AHRR: variants seen among roughly 807,000 people sequenced by gnomAD.
AHRR encodes the protein aryl hydrocarbon receptor repressor, also known as ahR repressor.
Under a neutral mutation model 44.0 loss-of-function variants are expected in AHRR, and 28 were observed. That is an observed-to-expected ratio of 0.64 (90% CI 0.47 to 0.87). AHRR has a LOEUF of 0.87. Among genes scored for constraint, AHRR ranks in the 40% least tolerant of loss-of-function variants. The pLI is 0.00. For missense variants in AHRR, 990 were observed against 953.9 expected, an observed-to-expected ratio of 1.04 and a Z score of -0.50; for synonymous variants, 434 against 407.0, an observed-to-expected ratio of 1.07 and a Z score of -0.80.
chr5:394,248 C>A (rs1487599157), intron 4 of AHRR, among the ~76,000 whole-genome samples: 1 of 103,634 alleles, frequency 9.6e-6, no homozygotes, highest in Non-Finnish European at 1.9e-5. Context: ...GCTCCAGGGC[C>A]TCCCCTTTCC....
chr5:373,990 G>A (rs1247842580), intron 3 of AHRR, among the ~76,000 whole-genome samples: 1 of 151,836 alleles, frequency 6.6e-6, no homozygotes, highest in African/African-American at 2.4e-5. Flanking sequence ...CGCCCCTGCC[G>A]CCGCACCTAC....
intron 1 of AHRR, among the ~76,000 whole-genome samples, chr5:343,083 G>A (rs1330254277): frequency 5.9e-5 from 9 of 152,178 alleles, no homozygotes; most frequent in South Asian, 2.1e-4. Context: ...GCCACAAACC[G>A]CACAGGGAGA....
chr5:415,439 TC>T lies in AHRR; in HGVS notation c.441+2007del, dbSNP rs1735712748. 1.1e-4 allele frequency among the ~76,000 whole-genome samples: 13 copies of T among 122,840 alleles called. 4 individuals are homozygous for T. The highest frequency in any genetic ancestry group is 4.9e-4 in the African/African-American group (12 of 24,670). 80.6% of individuals were successfully genotyped at this position (122,840 alleles called of 152,430 possible). On this transcript the variant is annotated intron_variant, in intron 5 of 10. Coordinates refer to ENST00000684583, the MANE Select transcript of AHRR (RefSeq NM_001377236.1). ...AGGCCTAGGGGCCGAATCTGCCTGG[TC>T]GGGCGGGAGGCCTAGGGGCCGAGTC...
At chr5:378,740 G>A (rs567434850) in intron 4 of AHRR, among the ~76,000 whole-genome samples, 16 of 152,146 alleles carry the variant, frequency 1.1e-4, no homozygotes, top group Admixed American at 1.0e-3. Context: ...TGCACAATAC[G>A]AGTCAGAGCT....
chr5:374,173 C>G (rs1021268713), intron 3 of AHRR, among the ~76,000 whole-genome samples: 1 of 152,040 alleles, frequency 6.6e-6, no homozygotes, highest in African/African-American at 2.4e-5. Flanking sequence ...CCGCGCTGCC[C>G]CAGCCCGCGG....
chr5:422,091 C>T (rs1169394478), intron 5 of AHRR, among the ~76,000 whole-genome samples: 1 of 152,080 alleles, frequency 6.6e-6, no homozygotes, highest in Non-Finnish European at 1.5e-5. Flanking sequence ...GGCCGGCCTT[C>T]CTCAGGCGCC....
chr5:434,996 A>C lies in AHRR; in HGVS notation c.*162A>C. The stretch of plus-strand genomic sequence containing the variant: ...AGTGTGTGTGTGCAGCATACGCAGG[A>C]GCCTATCCTGAATTTTGTAAAATAT... On this transcript the variant is annotated 3_prime_UTR_variant, in exon 11 of 11. Coordinates refer to ENST00000684583, the MANE Select transcript of AHRR (RefSeq NM_001377236.1). The C allele has an allele frequency of 2.9e-6, 3 of 1,048,734 alleles. No homozygotes were observed. In the South Asian group the frequency reaches 5.3e-5, roughly 19 times the overall value. The allele number at this position is 1,048,734 out of a possible 1,614,324, so 65.0% of individuals were successfully genotyped here. A position where few individuals can be genotyped will look rare whatever the true frequency, so the allele number is the denominator to read the frequency against.
At position 344,423 on chromosome 5, in the gene AHRR, ATGTGTGAG is replaced by A. The variant is rs1560884211; in HGVS notation, c.62+460_62+467del. ...GGAGGGCTGCGGGGGTGTGTGCGGTATGTGTGAGGCTGTGGGGGGCTGTGTGTGGGGTG... is the reference window on the plus strand; with the variant it reads ...GGAGGGCTGCGGGGGTGTGTGCGGTAGCTGTGGGGGGCTGTGTGTGGGGTG... On this transcript the variant is annotated intron_variant, in intron 2 of 10. Coordinates refer to ENST00000684583, the MANE Select transcript of AHRR (RefSeq NM_001377236.1). Among the ~76,000 whole-genome samples the A allele has an allele frequency of 1.4e-3, 26 of 18,408 alleles. 1 individual carries two copies. The highest frequency in any genetic ancestry group is 2.4e-3 in the Non-Finnish European group (18 of 7,350). The allele number at this position is 18,408 out of a possible 152,430, so 12.1% of individuals were successfully genotyped here.
intron 5 of AHRR, among the ~76,000 whole-genome samples, chr5:414,323 GTTTTT>G (rs201731828): frequency 6.6e-6 from 1 of 151,800 alleles, no homozygotes; most frequent in Non-Finnish European, 1.5e-5. Flanking sequence ...CAACGGAGCT[GTTTTT>G]TTTGTCTGGG....
In AHRR at chr5:432,876, T is replaced by G. The variant is rs1252706130; in HGVS notation, c.1041T>G (p.Val347=). 2.5e-6 allele frequency: 4 copies of G among 1,613,572 alleles called. No homozygotes were observed. Among genetic ancestry groups the G allele is most frequent in the Non-Finnish European group, 3.4e-6 (4 of 1,180,020 alleles). The change falls in exon 10 of 11, where the codon GTT becomes GTG. Residue 347 remains valine (V), a synonymous_variant. Coordinates refer to ENST00000684583, the MANE Select transcript of AHRR (RefSeq NM_001377236.1). ...CTGACGCTGGCCGATGGGCACAGGT[T>G]CCCGCCAGGGCCCCATGCCTGTGCC... ...EQTDAGRWAQ[V]PARAPCLCLR... is the part of the protein sequence containing the mutation.
chr5:347,320 T>G (rs950833491), intron 2 of AHRR, among the ~76,000 whole-genome samples: 1 of 152,232 alleles, frequency 6.6e-6, no homozygotes, highest in Admixed American at 6.5e-5. Flanking sequence ...AGTTTTGATT[T>G]TACATATAGT....
chr5:402,409 TTGTTGAGGGTGTGGAGAGAAGGGGA>T (rs1346936819), intron 4 of AHRR, among the ~76,000 whole-genome samples: 27 of 123,990 alleles, frequency 2.2e-4, no homozygotes, highest in African/African-American at 8.3e-4. Context: ...AAGGCAGTCG[TTGTTGAGGGTGTGGAGAGAAGGGGA>T]CCCTCGTGCA....
chr5:433,290 C>T (rs541753801), intron 10 of AHRR, among the ~76,000 whole-genome samples: 100 of 152,250 alleles, frequency 6.6e-4, no homozygotes, highest in African/African-American at 2.4e-3. Flanking sequence ...GCCCTCTCTC[C>T]CCCCTCTCCC....
chr5:328,226 C>CCTTTTCTCTG (rs1328497767), intron 1 of AHRR, among the ~76,000 whole-genome samples: 1 of 147,654 alleles, frequency 6.8e-6, no homozygotes, highest in Non-Finnish European at 1.5e-5. Context: ...GTATGAGTTC[C>CCTTTTCTCTG]CTTTTCTCTG....
chr5:370,368 G>A lies in AHRR; in HGVS notation c.245-6242G>A, dbSNP rs537150660. Among the ~76,000 whole-genome samples, 42 of 152,312 alleles carry A rather than the reference G, an allele frequency of 2.8e-4. No homozygotes were observed. Among genetic ancestry groups the A allele is most frequent in the Non-Finnish European group, 4.6e-4 (31 of 68,018 alleles). ...GGCAATTCTGGGGCGAGCAGGCGTCGGGGAAGGGTTGGATGGGCGTCCCAG... is the reference window on the plus strand; with the variant it reads ...GGCAATTCTGGGGCGAGCAGGCGTCAGGGAAGGGTTGGATGGGCGTCCCAG... On this transcript the variant is annotated intron_variant, in intron 3 of 10. Coordinates refer to ENST00000684583, the MANE Select transcript of AHRR (RefSeq NM_001377236.1). This position sits in a 1 kb window ranked among gnomAD's most constrained non-coding sequence, Gnocchi z 4.5.
chr5:322,823 G>A (rs528298886), intron 1 of AHRR, among the ~76,000 whole-genome samples: 3 of 152,356 alleles, frequency 2.0e-5, no homozygotes, highest in South Asian at 2.1e-4. Context: ...ATGCTGACCC[G>A]GCGGACGCCG....
Position 432,815 on chromosome 5 carries a change from G to C in AHRR, c.980G>C (p.Ser327Thr). The part of the protein sequence containing the change: ...GKPNYSAGRS[S>T]RESGVLVLRE... ...CTCTAAACCCCAACAGGAAGGAGCA[G>C]CAGAGAGAGCGGCGTTTTGGTGCTC... The change falls in exon 10 of 11, where the codon AGC (serine) becomes ACC (threonine). Residue 327 changes from serine (S) to threonine (T), a missense_variant. Transcript: ENST00000684583. 2 of 1,613,894 alleles carry C rather than the reference G, an allele frequency of 1.2e-6. No homozygotes were observed. Among genetic ancestry groups the C allele is most frequent in the Middle Eastern group, 1.6e-4 (1 of 6,062 alleles).
intron 3 of AHRR, 87 bp from the exon 4 acceptor site, chr5:376,523 G>C: frequency 2.1e-6 from 3 of 1,407,456 alleles, no homozygotes; most frequent in South Asian, 1.4e-5. Context: ...TGGGGTGAAC[G>C]CGGGGAAACA....
At chr5:399,947 C>T (rs1399111402) in intron 4 of AHRR, among the ~76,000 whole-genome samples, 1 of 152,224 alleles carries the variant, frequency 6.6e-6, no homozygotes, top group Non-Finnish European at 1.5e-5. Flanking sequence ...ATTCAGCTCC[C>T]CAAGCAAGAG....
Sources: allele counts gnomAD v4.1 joint callset (sites outside exome capture counted in the v4.1 genomes callset), GRCh38; gene constraint gnomAD v4.1.1; non-coding constraint Gnocchi (gnomAD v3.1); transcripts MANE v1.5; gene names NCBI Gene and HGNC (gene_info 2026-07-23, HGNC 2026-07-21).